CDC37L1: variants seen among roughly 807,000 people sequenced by gnomAD.
CDC37L1 encodes the protein hsp90 co-chaperone Cdc37-like 1.
CDC37L1 carries 32 observed loss-of-function variants against 45.9 expected under a neutral mutation model. The ratio of observed to expected loss-of-function variants is 0.70; its 90% CI spans 0.53 to 0.94. The LOEUF (loss-of-function observed/expected upper bound fraction) is 0.94, where lower values mean the gene tolerates loss of function less well. Among genes scored for constraint, CDC37L1 ranks in the 40% least tolerant of loss-of-function variants. The pLI is 0.00. For synonymous variants in CDC37L1, 150 were observed against 133.0 expected, an observed-to-expected ratio of 1.13 and a Z score of -0.88; for missense variants, 434 against 405.7, an observed-to-expected ratio of 1.07 and a Z score of -0.60.
chr9:4,679,715 G>C lies in CDC37L1; in HGVS notation c.-53G>C. 1.9e-6 allele frequency: 3 copies of C among 1,548,028 alleles called. No homozygotes were observed. Among genetic ancestry groups the C allele is most frequent in the South Asian group, 2.3e-5 (2 of 85,616 alleles). ...AGGTTCCATTCACGCCAAGTCTGTT[G>C]GCAGTGGCAGTTGTAGGGCCAAGGG... is the stretch of plus-strand genomic sequence containing the variant. On this transcript the variant is annotated 5_prime_UTR_variant, in exon 1 of 7. Coordinates refer to ENST00000381854, the MANE Select transcript of CDC37L1 (RefSeq NM_017913.4).
intron 3 of CDC37L1, among the ~76,000 whole-genome samples, chr9:4,691,090 G>A (rs1464530573): frequency 6.6e-6 from 1 of 152,172 alleles, no homozygotes; most frequent in Non-Finnish European, 1.5e-5. Flanking sequence ...GATTTCTGTT[G>A]TATGCTTATT....
intron 1 of CDC37L1, among the ~76,000 whole-genome samples, chr9:4,683,086 AT>A (rs1176941881): frequency 7.0e-6 from 1 of 143,508 alleles, no homozygotes; most frequent in Non-Finnish European, 1.5e-5. Flanking sequence ...TATATTTTAT[AT>A]ATATATTTTA....
At chr9:4,680,122 CAT>C (rs1158001647) in intron 1 of CDC37L1, among the ~76,000 whole-genome samples, 2 of 152,216 alleles carry the variant, frequency 1.3e-5, no homozygotes, top group Admixed American at 6.5e-5. Flanking sequence ...CCTCCACGCA[CAT>C]GTTTTCTTTC....
At chr9:4,700,840 A>C (rs559726121) in intron 5 of CDC37L1, among the ~76,000 whole-genome samples, 27 of 152,330 alleles carry the variant, frequency 1.8e-4, no homozygotes, top group Non-Finnish European at 3.4e-4. Context: ...TTAATAATAC[A>C]AAATCTGTCA....
intron 4 of CDC37L1, 132 bp from the exon 5 acceptor site, chr9:4,697,625 T>C: frequency 1.8e-6 from 1 of 563,050 alleles, no homozygotes; most frequent in Non-Finnish European, 3.1e-6. Flanking sequence ...ACTCTTTATA[T>C]GTTTGTAAAG....
intron 6 of CDC37L1, among the ~76,000 whole-genome samples, chr9:4,704,333 G>T (rs1232700321): frequency 3.3e-5 from 5 of 152,136 alleles, no homozygotes; most frequent in African/African-American, 9.7e-5. Flanking sequence ...ATGCTTCACT[G>T]CTTATTCACC....
At chr9:4,683,643 A>G (rs993556912) in intron 1 of CDC37L1, among the ~76,000 whole-genome samples, 21 of 152,122 alleles carry the variant, frequency 1.4e-4, no homozygotes, top group Non-Finnish European at 2.2e-4. Flanking sequence ...GCTAAGAATG[A>G]AAAAAAAGAT....
chr9:4,687,979 AC>A (rs1442645875), intron 2 of CDC37L1, among the ~76,000 whole-genome samples: 2 of 152,118 alleles, frequency 1.3e-5, no homozygotes, highest in Non-Finnish European at 2.9e-5. Context: ...TCTAAGATGA[AC>A]CTATATCCAC....
intron 3 of CDC37L1, among the ~76,000 whole-genome samples, chr9:4,690,057 A>G (rs1326318104): frequency 6.6e-6 from 1 of 152,216 alleles, no homozygotes; most frequent in African/African-American, 2.4e-5. Context: ...ATATCCAAAT[A>G]TCACAAAGTG....
At chr9:4,687,712 A>G (rs1841263178) in intron 2 of CDC37L1, among the ~76,000 whole-genome samples, 1 of 151,498 alleles carries the variant, frequency 6.6e-6, no homozygotes, top group East Asian at 1.9e-4. Flanking sequence ...GACACGCAAC[A>G]ACAACAGTCT....
chr9:4,705,292 T>C (rs948082954), intron 6 of CDC37L1, among the ~76,000 whole-genome samples: 8 of 152,162 alleles, frequency 5.3e-5, no homozygotes, highest in African/African-American at 1.9e-4. Flanking sequence ...GGAAGAATTT[T>C]CTAAAGTTCT....
At position 4,706,124 on chromosome 9, in the gene CDC37L1, C is replaced by T; in HGVS notation, c.*12C>T. 1 of 1,287,402 alleles carries T rather than the reference C, an allele frequency of 7.8e-7. No individual in the cohort carries two copies. Among genetic ancestry groups the T allele is most frequent in the Non-Finnish European group, 1.1e-6 (1 of 885,822 alleles). 79.7% of individuals were successfully genotyped at this position (1,287,402 alleles called of 1,614,324 possible). ...TGGACACTGTATAATTTGGTTAAGA[C>T]TGCTGAGGCCAAGTGCTATTTTGTT... On this transcript the variant is annotated 3_prime_UTR_variant, in exon 7 of 7. Transcript: ENST00000381854.
Position 4,706,113 on chromosome 9 carries a change from T to C in CDC37L1, c.*1T>C, listed in dbSNP as rs146797512. 3 of 1,527,618 alleles carry C rather than the reference T, an allele frequency of 2.0e-6. No homozygotes were observed. The highest frequency in any genetic ancestry group is 1.4e-5 in the African/African-American group (1 of 73,054). 94.6% of individuals were successfully genotyped at this position (1,527,618 alleles called of 1,614,324 possible). ...ACCCAAAATGATGGACACTGTATAATTTGGTTAAGACTGCTGAGGCCAAGT... is the reference window on the plus strand; with the variant it reads ...ACCCAAAATGATGGACACTGTATAACTTGGTTAAGACTGCTGAGGCCAAGT... On this transcript the variant is annotated 3_prime_UTR_variant, in exon 7 of 7. Coordinates refer to ENST00000381854, the MANE Select transcript of CDC37L1 (RefSeq NM_017913.4).
intron 2 of CDC37L1, among the ~76,000 whole-genome samples, chr9:4,687,953 G>A (rs942099394): frequency 6.6e-6 from 1 of 152,104 alleles, no homozygotes; most frequent in African/African-American, 2.4e-5. Flanking sequence ...TAATTCAGTT[G>A]TTTTTCTGTA....
intron 3 of CDC37L1, among the ~76,000 whole-genome samples, chr9:4,690,918 C>T (rs1841294675): frequency 6.6e-6 from 1 of 152,204 alleles, no homozygotes; most frequent in African/African-American, 2.4e-5. Flanking sequence ...CCTGGAATAC[C>T]TGCAATTTCT....
chr9:4,685,717 A>G (rs984082040), intron 2 of CDC37L1, among the ~76,000 whole-genome samples: 1 of 152,212 alleles, frequency 6.6e-6, no homozygotes, highest in African/African-American at 2.4e-5. Context: ...TTAGACTTTT[A>G]AAATCTCATG....
intron 6 of CDC37L1, 72 bp downstream of exon 6, chr9:4,702,100 C>CT (rs878997521): frequency 0.036 from 18,113 of 506,510 alleles, no homozygotes; most frequent in East Asian, 0.043. Flanking sequence ...TTGCCCCACT[C>CT]TTTTTTTTTT....
At chr9:4,698,537 C>T (rs1441733592) in intron 5 of CDC37L1, among the ~76,000 whole-genome samples, 1 of 150,924 alleles carries the variant, frequency 6.6e-6, no homozygotes, top group Non-Finnish European at 1.5e-5. Context: ...TAAAAGCTGC[C>T]CAAGAAGTAG....
At chr9:4,698,360 G>A (rs2130852211) in intron 5 of CDC37L1, among the ~76,000 whole-genome samples, 1 of 151,220 alleles carries the variant, frequency 6.6e-6, no homozygotes, top group Admixed American at 6.6e-5. Flanking sequence ...AGAATATCAT[G>A]CACCCTTTAA....
Sources: allele counts gnomAD v4.1 joint callset (sites outside exome capture counted in the v4.1 genomes callset), GRCh38; gene constraint gnomAD v4.1.1; transcripts MANE v1.5; gene names NCBI Gene and HGNC (gene_info 2026-07-23, HGNC 2026-07-21).